The following ELK4 variants were observed in gnomAD, a reference collection of about 807,000 sequenced individuals.
The protein encoded by ELK4 is ETS domain-containing protein Elk-4.
In ELK4, 16 loss-of-function variants were observed where a neutral mutation model predicts 29.6. The ratio of observed to expected loss-of-function variants is 0.54; its 90% CI spans 0.37 to 0.82. The LOEUF (loss-of-function observed/expected upper bound fraction) is 0.82. Among genes scored for constraint, ELK4 ranks in the 40% least tolerant of loss-of-function variants. The probability of loss-of-function intolerance (pLI) is 0.00; values close to 1 mark genes in which losing one functional copy is unlikely to be tolerated. For synonymous variants in ELK4, 213 were observed against 191.1 expected (o/e 1.11, Z -0.95); for missense variants, 465 against 507.1 (o/e 0.92, Z 0.80).
chr1:205,613,818 T>C lies in ELK4; in HGVS notation c.*2728A>G, dbSNP rs1487889345. The C allele has an allele frequency of 4.7e-6, 1 of 211,982 alleles. No individual in the cohort carries two copies. Among genetic ancestry groups the C allele is most frequent in the Non-Finnish European group, 9.6e-6 (1 of 104,620 alleles). The allele number at this position is 211,982 out of a possible 1,614,324, so 13.1% of individuals were successfully genotyped here. A position where few individuals can be genotyped will look rare whatever the true frequency, so the allele number is the denominator to read the frequency against. The stretch of plus-strand genomic sequence containing the variant: ...CCCCTTCCGTAACTTAGGCTACTGC[T>C]GCCCAACAGCATTCATCCTGGCAAA... On this transcript the variant is annotated 3_prime_UTR_variant, in exon 5 of 5. Coordinates refer to ENST00000357992, the MANE Select transcript of ELK4 (RefSeq NM_001973.4).
Position 205,619,001 on chromosome 1 carries a change from G to T in ELK4, c.1153C>A (p.Pro385Thr), listed in dbSNP as rs775491018. 4.3e-6 allele frequency: 7 copies of T among 1,611,946 alleles called. No individual in the cohort carries two copies. The highest frequency in any genetic ancestry group is 5.9e-6 in the Non-Finnish European group (7 of 1,179,296). The change falls in exon 4 of 5, where the codon CCC (proline) becomes ACC (threonine). Residue 385 changes from proline (P) to threonine (T), a missense_variant. By Grantham distance (38) the Pro-to-Thr change is conservative (BLOSUM62 -1). Coordinates refer to ENST00000357992, the MANE Select transcript of ELK4 (RefSeq NM_001973.4). The stretch of plus-strand genomic sequence containing the variant: ...CCTTGCAGTCTGGCTGGACTTAGGG[G>T]AGCAACAGGACTGAGAGTACTCCAG... ...HFWSTLSPVAPLSPARLQGAN... is the reference protein window; with the variant it reads ...HFWSTLSPVATLSPARLQGAN...
Position 205,607,979 on chromosome 1 carries a change from C to T in ELK4, c.*8567G>A, listed in dbSNP as rs779587063. ...AAAATATTTATTTAAAAAAATACAACTGCTGTCCATATCTAGTTGCACATA... is the reference window on the plus strand; with the variant it reads ...AAAATATTTATTTAAAAAAATACAATTGCTGTCCATATCTAGTTGCACATA... On this transcript the variant is annotated 3_prime_UTR_variant, in exon 5 of 5. Transcript: ENST00000357992. 37 of 175,094 alleles carry T rather than the reference C, an allele frequency of 2.1e-4. No homozygotes were observed. The highest frequency in any genetic ancestry group is 4.4e-4 in the Admixed American group (7 of 15,746). The allele number at this position is 175,094 out of a possible 1,614,324, so 10.8% of individuals were successfully genotyped here.
At chr1:205,629,458 G>C (rs1241842393) in intron 1 of ELK4, among the ~76,000 whole-genome samples, 3 of 152,172 alleles carry the variant, frequency 2.0e-5, no homozygotes, top group African/African-American at 7.2e-5. Context: ...GGGCACAGTG[G>C]CATACGCCTA....
intron 2 of ELK4, 51 bp downstream of exon 2, chr1:205,623,625 C>A (rs528953735): frequency 1.3e-6 from 2 of 1,596,848 alleles, no homozygotes; most frequent in African/African-American, 1.3e-5. Flanking sequence ...AAGAAGGAAT[C>A]GTTCTTGTCT....
At position 205,619,065 on chromosome 1, in the gene ELK4, G is replaced by T; in HGVS notation, c.1089C>A (p.Ile363=). The part of the protein sequence containing the change: ...LTPAFFSQTP[I]ILTPSPLLSS... ...AGAGCAAGGGGCTTGGAGTCAGTAT[G>T]ATGGGTGTCTGCAATACACAAAGCA... Residue 363 remains isoleucine, a synonymous_variant, in exon 4 of 5, where the codon ATC becomes ATA. Coordinates refer to ENST00000357992, the MANE Select transcript of ELK4 (RefSeq NM_001973.4). The T allele has an allele frequency of 6.3e-7, 1 of 1,590,152 alleles. No individual in the cohort carries two copies. The highest frequency in any genetic ancestry group is 2.3e-5 in the East Asian group (1 of 44,262).
intron 1 of ELK4, among the ~76,000 whole-genome samples, chr1:205,631,311 T>C (rs1406375082): frequency 6.6e-6 from 1 of 152,120 alleles, no homozygotes; most frequent in Non-Finnish European, 1.5e-5. Context: ...GTACTTTCAT[T>C]TTCCAACTTC....
At chr1:205,624,751 C>A (rs961030656) in intron 1 of ELK4, among the ~76,000 whole-genome samples, 1 of 152,106 alleles carries the variant, frequency 6.6e-6, no homozygotes, top group African/African-American at 2.4e-5. Context: ...ACAGCATACC[C>A]GGCCTCTACC....
chr1:205,625,169 T>G (rs1670428350), intron 1 of ELK4, among the ~76,000 whole-genome samples: 1 of 152,012 alleles, frequency 6.6e-6, no homozygotes. Context: ...CAACAAAATT[T>G]AAAATTGTTG....
chr1:205,624,060 G>A (rs967089234), intron 1 of ELK4, among the ~76,000 whole-genome samples, 169 bp from the exon 2 acceptor site: 1 of 152,146 alleles, frequency 6.6e-6, no homozygotes, highest in African/African-American at 2.4e-5. Context: ...TGATTCATAA[G>A]AGGGTTAAGG....
At chr1:205,619,194 G>T in intron 3 of ELK4, 121 bp from the exon 4 acceptor site, 2 of 1,159,656 alleles carry the variant, frequency 1.7e-6, no homozygotes, top group Non-Finnish European at 2.3e-6. Context: ...ATATCTCCAA[G>T]TCTGAAATAT....
rs191349203 is a variant in ELK4 at position 205,621,318 on chromosome 1, C to T, written c.208-480G>A. On this transcript the variant is annotated intron_variant, in intron 2 of 4. Coordinates refer to ENST00000357992, the MANE Select transcript of ELK4 (RefSeq NM_001973.4). ...TTCATCTAGCCATACCAAACACAGT[C>T]CCTACTATTATGGAGAAGTTAAGGC... 1.1e-4 allele frequency among the ~76,000 whole-genome samples: 16 copies of T among 151,928 alleles called. No homozygotes were observed. In the East Asian group the frequency reaches 3.1e-3, roughly 29 times the overall value.
chr1:205,631,126 A>G (rs1490763957), intron 1 of ELK4, among the ~76,000 whole-genome samples: 1 of 152,246 alleles, frequency 6.6e-6, no homozygotes, highest in African/African-American at 2.4e-5. Context: ...GGCGGAAAGT[A>G]AAGAGGGGCG....
chr1:205,620,343 A>G lies in ELK4; in HGVS notation c.703T>C (p.Ser235Pro). The change falls in exon 3 of 5, where the codon TCC (serine) becomes CCC (proline). Residue 235 changes from serine to proline, a missense_variant. This residue lies in a region of ELK4 where 385 missense variants were observed against 387.5 expected (regional missense o/e 0.99). Coordinates refer to ENST00000357992, the MANE Select transcript of ELK4 (RefSeq NM_001973.4). Reference sequence around the variant, plus strand: ...GAGGCAGAGGTTGGGGCTTCCAGGGAAGGCAGTTTTGGGGAAACCAATGTC... The same window carrying G: ...GAGGCAGAGGTTGGGGCTTCCAGGGGAGGCAGTTTTGGGGAAACCAATGTC... ...LETLVSPKLP[S>P]LEAPTSASNV... 1 of 1,614,194 alleles carries G rather than the reference A, an allele frequency of 6.2e-7. No individual in the cohort carries two copies. Among genetic ancestry groups the G allele is most frequent in the Non-Finnish European group, 8.5e-7 (1 of 1,180,024 alleles).
At chr1:205,616,755 C>T (rs1268403273) in intron 4 of ELK4, 111 bp from the exon 5 acceptor site, 1 of 822,862 alleles carries the variant, frequency 1.2e-6, no homozygotes, top group East Asian at 2.7e-5. Flanking sequence ...TAATGGCTCA[C>T]AGGACAAAGG....
Position 205,608,351 on chromosome 1 carries a change from T to G in ELK4, c.*8195A>C, listed in dbSNP as rs1241193330. 1.0e-5 allele frequency: 2 copies of G among 197,548 alleles called. No homozygotes were observed. Among genetic ancestry groups the G allele is most frequent in the Non-Finnish European group, 2.1e-5 (2 of 95,556 alleles). 12.2% of individuals were successfully genotyped at this position (197,548 alleles called of 1,614,324 possible). A position where few individuals can be genotyped will look rare whatever the true frequency, so the allele number is the denominator to read the frequency against. On this transcript the variant is annotated 3_prime_UTR_variant, in exon 5 of 5. Coordinates refer to ENST00000357992, the MANE Select transcript of ELK4 (RefSeq NM_001973.4). ...TTTTGCATCCTTTCGCTCACCTCTCTACACTCTATAAAGTTTCTCTGCCGT... is the reference window on the plus strand; with the variant it reads ...TTTTGCATCCTTTCGCTCACCTCTCGACACTCTATAAAGTTTCTCTGCCGT...
intron 2 of ELK4, among the ~76,000 whole-genome samples, chr1:205,623,299 G>C (rs539589065): frequency 9.9e-4 from 149 of 150,086 alleles, no homozygotes; most frequent in African/African-American, 3.5e-3. Flanking sequence ...AACCTCAACA[G>C]AAAACAAGGA....
chr1:205,630,076 C>T, intron 1 of ELK4, among the ~76,000 whole-genome samples: 1 of 151,104 alleles, frequency 6.6e-6, no homozygotes, highest in Non-Finnish European at 1.5e-5. Flanking sequence ...CAAACAAAAC[C>T]TTTTATTCTT....
rs752991555 is a variant in ELK4, at chr1:205,620,638, A to G, written c.408T>C (p.Ser136=). The part of the protein sequence containing the change: ...DKPPQPGAKT[S]SRNDYIHSGL... ...CAGAGTGTATGTAGTCATTGCGGCTAGAGGTCTTGGCACCAGGCTGAGGTG... is the reference window on the plus strand; with the variant it reads ...CAGAGTGTATGTAGTCATTGCGGCTGGAGGTCTTGGCACCAGGCTGAGGTG... Residue 136 remains serine (S), a synonymous_variant, in exon 3 of 5, where the codon TCT becomes TCC. Coordinates refer to ENST00000357992, the MANE Select transcript of ELK4 (RefSeq NM_001973.4). 3 of 1,614,070 alleles carry G rather than the reference A, an allele frequency of 1.9e-6. No homozygotes were observed. In the East Asian group the frequency reaches 6.7e-5, roughly 36 times the overall value.
chr1:205,616,432 A>G lies in ELK4; in HGVS notation c.*114T>C. On this transcript the variant is annotated 3_prime_UTR_variant, in exon 5 of 5. Coordinates refer to ENST00000357992, the MANE Select transcript of ELK4 (RefSeq NM_001973.4). ...ATGTTTTCAATGGGGAATGGCAAAA[A>G]TCACAATAGTCTATTATCAGCATTG... 1 of 959,158 alleles carries G rather than the reference A, an allele frequency of 1.0e-6. No individual in the cohort carries two copies. The highest frequency in any genetic ancestry group is 2.3e-5 in the Admixed American group (1 of 43,638). 59.4% of individuals were successfully genotyped at this position (959,158 alleles called of 1,614,324 possible). A position where few individuals can be genotyped will look rare whatever the true frequency, so the allele number is the denominator to read the frequency against.
Sources: gnomAD v4.1 joint callset for allele counts (sites outside exome capture counted in the v4.1 genomes callset) on GRCh38, gnomAD v4.1.1 for gene constraint, gnomAD v4.1.1 regional missense constraint, MANE v1.5 for transcripts, NCBI Gene and HGNC (gene_info 2026-07-23, HGNC 2026-07-21) for gene names.